CNIH1: variants seen among roughly 807,000 people sequenced by gnomAD.
The protein encoded by CNIH1 is protein cornichon homolog 1.
CNIH1 carries 12 observed loss-of-function variants against 20.2 expected under a neutral mutation model. That is an observed-to-expected ratio of 0.59 (90% confidence interval 0.38 to 0.96). The LOEUF (loss-of-function observed/expected upper bound fraction) is 0.96, where lower values mean the gene tolerates loss of function less well. Among genes scored for constraint, CNIH1 ranks in the 40% least tolerant of loss-of-function variants. The pLI is 0.00. For synonymous variants in CNIH1, 69 were observed against 63.3 expected, an observed-to-expected ratio of 1.09 and a Z score of -0.43; for missense variants, 152 against 178.8, an observed-to-expected ratio of 0.85 and a Z score of 0.85.
intron 4 of CNIH1, among the ~76,000 whole-genome samples, chr14:54,428,161 T>A (rs1458033291): frequency 1.3e-5 from 2 of 152,156 alleles, no homozygotes; most frequent in African/African-American, 4.8e-5. Context: ...AATAATAGAA[T>A]GAGTATCTCT....
At chr14:54,433,815 C>G (rs373941025) in intron 2 of CNIH1, among the ~76,000 whole-genome samples, 1 of 152,134 alleles carries the variant, frequency 6.6e-6, no homozygotes, top group South Asian at 2.1e-4. Context: ...CCCTCCCGCT[C>G]TTAATATTAC....
intron 1 of CNIH1, among the ~76,000 whole-genome samples, chr14:54,440,030 T>C (rs886998472): frequency 1.3e-5 from 2 of 152,252 alleles, no homozygotes; most frequent in African/African-American, 4.8e-5. Context: ...TACATAAGTA[T>C]TCCTGATTAC....
intron 1 of CNIH1, among the ~76,000 whole-genome samples, chr14:54,439,592 G>A (rs1304657241): frequency 6.6e-6 from 1 of 150,612 alleles, no homozygotes; most frequent in African/African-American, 2.4e-5. Flanking sequence ...TCTCCGCCCA[G>A]GATGGAGTGC....
chr14:54,439,613 T>C (rs2031128609), intron 1 of CNIH1, among the ~76,000 whole-genome samples: 1 of 151,636 alleles, frequency 6.6e-6, no homozygotes, highest in African/African-American at 2.4e-5. Context: ...AGTGGCGCCA[T>C]CGCGGCTCAC....
At position 54,424,237 on chromosome 14, in the gene CNIH1, A is replaced by C. The variant is rs537563978; in HGVS notation, c.*3577T>G. ...AGGCTAGCATGATTAATAGTTTCCA[A>C]AAAGGATGAACATGAGTACTTTTAT... is the stretch of plus-strand genomic sequence containing the variant. On this transcript the variant is annotated 3_prime_UTR_variant, in exon 5 of 5. Coordinates refer to ENST00000216416, the MANE Select transcript of CNIH1 (RefSeq NM_005776.3). The C allele has an allele frequency of 8.1e-4, 124 of 152,326 alleles. No individual in the cohort carries two copies. Among genetic ancestry groups the C allele is most frequent in the African/African-American group, 3.0e-3 (123 of 41,586 alleles). 9.4% of individuals were successfully genotyped at this position (152,326 alleles called of 1,614,324 possible).
In CNIH1 at chr14:54,430,288, A is replaced by C; in HGVS notation, c.380T>G (p.Leu127Arg). The C allele has an allele frequency of 1.2e-6, 2 of 1,614,152 alleles. No homozygotes were observed. Among genetic ancestry groups the C allele is most frequent in the Non-Finnish European group, 1.7e-6 (2 of 1,179,982 alleles). ...KEGWCKLAFY[L>R]LAFFYYLYGM... is the part of the protein sequence containing the mutation. ...ATATAGGTAGTAAAAAAATGCTAGA[A>C]GATAAAAAGCTAATTTGCACCATCC... Residue 127 changes from leucine to arginine, a missense_variant, in exon 4 of 5, where the codon CTT becomes CGT. Around this residue, in one of 3 missense-constraint regions of CNIH1, gnomAD observed 28 missense variants for 22.8 expected, o/e 1.23. Transcript: ENST00000216416.
chr14:54,437,910 T>C (rs185725337), intron 1 of CNIH1, among the ~76,000 whole-genome samples: 104 of 151,976 alleles, frequency 6.8e-4, no homozygotes, highest in Middle Eastern at 3.4e-3. Flanking sequence ...AGATCCAACT[T>C]AACAGAATAC....
At chr14:54,439,506 A>G (rs1451699764) in intron 1 of CNIH1, among the ~76,000 whole-genome samples, 1 of 152,062 alleles carries the variant, frequency 6.6e-6, no homozygotes, top group Non-Finnish European at 1.5e-5. Context: ...AGAATGACTT[A>G]AAGCTACATC....
chr14:54,440,623 A>G (rs750245786), intron 1 of CNIH1, among the ~76,000 whole-genome samples: 51 of 152,220 alleles, frequency 3.4e-4, no homozygotes, highest in Non-Finnish European at 6.2e-4. Flanking sequence ...TCCAGCGGTC[A>G]AAGTATGATT....
chr14:54,435,367 C>A (rs1026949184), intron 2 of CNIH1, among the ~76,000 whole-genome samples: 4 of 152,032 alleles, frequency 2.6e-5, no homozygotes. Flanking sequence ...TATAGAGACA[C>A]CCCCATCTCA....
At chr14:54,438,982 C>G (rs968661080) in intron 1 of CNIH1, among the ~76,000 whole-genome samples, 2 of 152,220 alleles carry the variant, frequency 1.3e-5, no homozygotes, top group Admixed American at 1.3e-4. Flanking sequence ...ACTACTCCCC[C>G]ACCATGAGTG....
chr14:54,438,586 A>G (rs1459147082), intron 1 of CNIH1, among the ~76,000 whole-genome samples: 2 of 152,236 alleles, frequency 1.3e-5, no homozygotes, highest in Non-Finnish European at 2.9e-5. Flanking sequence ...ACAGAGCATC[A>G]ATGACATGAA....
intron 2 of CNIH1, among the ~76,000 whole-genome samples, chr14:54,435,706 A>G (rs1386820426): frequency 2.6e-5 from 4 of 152,180 alleles, no homozygotes; most frequent in African/African-American, 9.7e-5. Context: ...CAAAGATAAA[A>G]CTAGATATGG....
Position 54,430,398 on chromosome 14 carries a change from C to T in CNIH1, c.270G>A (p.Met90Ile). 1 of 1,613,360 alleles carries T rather than the reference C, an allele frequency of 6.2e-7. No homozygotes were observed. The highest frequency in any genetic ancestry group is 8.5e-7 in the Non-Finnish European group (1 of 1,179,656). The change falls in exon 4 of 5, where the codon ATG becomes ATA. Residue 90 changes from methionine (M) to isoleucine (I), a missense_variant. By Grantham distance (10) the Met-to-Ile change is conservative. Coordinates refer to ENST00000216416, the MANE Select transcript of CNIH1 (RefSeq NM_005776.3). ...PLLAYHIWRY[M>I]SRPVMSGPGL... ...CTGGGCCACTCATCACTGGTCTACT[C>T]ATATACCTGGAATAAACACAGTCTA...
intron 1 of CNIH1, 34 bp downstream of exon 1, chr14:54,441,213 C>T: frequency 6.7e-7 from 1 of 1,485,178 alleles, no homozygotes; most frequent in African/African-American, 1.5e-5. Flanking sequence ...TGTGTTGCCG[C>T]CTCGCCCTCC....
intron 1 of CNIH1, among the ~76,000 whole-genome samples, chr14:54,440,949 A>C (rs949189565): frequency 2.0e-5 from 3 of 151,724 alleles, no homozygotes; most frequent in African/African-American, 7.2e-5. Flanking sequence ...GGTCGGTGCG[A>C]ACGCAGCGCG....
intron 4 of CNIH1, 151 bp downstream of exon 4, chr14:54,430,110 C>T: frequency 7.9e-6 from 6 of 761,666 alleles, no homozygotes; most frequent in South Asian, 7.3e-5. Flanking sequence ...GTGGGCCACA[C>T]TGAATGTGTG....
Position 54,427,753 on chromosome 14 carries a change from A to T in CNIH1, c.*61T>A, listed in dbSNP as rs2030854450. 1 of 1,560,328 alleles carries T rather than the reference A, an allele frequency of 6.4e-7. No individual in the cohort carries two copies. Among genetic ancestry groups the T allele is most frequent in the Non-Finnish European group, 8.8e-7 (1 of 1,132,752 alleles). ...CTTGGACAGGATCTTGCTGGATAGA[A>T]TCCCTTCATTTGGTGGCTTTTTGCA... On this transcript the variant is annotated 3_prime_UTR_variant, in exon 5 of 5. Transcript: ENST00000216416.
At chr14:54,437,502 AAAC>A (rs1302351005) in intron 1 of CNIH1, among the ~76,000 whole-genome samples, 5 of 152,232 alleles carry the variant, frequency 3.3e-5, no homozygotes, top group African/African-American at 9.7e-5. Context: ...AACTCCAACC[AAAC>A]AACAATAGAA....
Sources: gnomAD v4.1 joint callset for allele counts (sites outside exome capture counted in the v4.1 genomes callset) on GRCh38, gnomAD v4.1.1 for gene constraint, gnomAD v4.1.1 regional missense constraint, MANE v1.5 for transcripts, NCBI Gene and HGNC (gene_info 2026-07-23, HGNC 2026-07-21) for gene names.